Variants in CLYBL observed in about 807,000 individuals in gnomAD.
CLYBL encodes citramalyl-CoA lyase, mitochondrial.
CLYBL carries 31 observed loss-of-function variants against 38.9 expected under a neutral mutation model. The observed-to-expected ratio is 0.80, with a 90% CI of 0.60 to 1.08. CLYBL has a LOEUF of 1.08. CLYBL is among the 50% of genes least tolerant of loss of function. The pLI is 0.00. For missense variants in CLYBL, 434 were observed against 411.6 expected (o/e 1.05, Z -0.47); for synonymous variants, 171 against 158.6 (o/e 1.08, Z -0.59).
intron 2 of CLYBL, among the ~76,000 whole-genome samples, chr13:99,840,939 C>G (rs1194178122): frequency 1.3e-5 from 2 of 151,964 alleles, no homozygotes; most frequent in Non-Finnish European, 2.9e-5. Flanking sequence ...AAAATCATTT[C>G]TCTCACCTAA....
downstream of CLYBL, among the ~76,000 whole-genome samples, chr13:99,900,258 T>C (rs1014133368): frequency 2.6e-5 from 4 of 152,126 alleles, no homozygotes; most frequent in African/African-American, 9.7e-5. Context: ...AGATGAAGTA[T>C]ATGCTCTCAC....
rs140934783 is a variant in CLYBL at position 99,725,542 on chromosome 13, G to T, written c.63-47282G>T. Among the ~76,000 whole-genome samples the T allele has an allele frequency of 3.3e-5, 5 of 152,290 alleles. No individual in the cohort carries two copies. The East Asian group carries it at 9.6e-4, about 29-fold the overall frequency. Reference sequence around the variant, plus strand: ...TTGTTTGTGGAGAGGGCAGCAGAGAGATGAAGGGACATTCTAGTACTATGC... The same window carrying T: ...TTGTTTGTGGAGAGGGCAGCAGAGATATGAAGGGACATTCTAGTACTATGC... On this transcript the variant is annotated intron_variant, in intron 1 of 8. Transcript: ENST00000339105.
chr13:99,896,369 C>G (rs2052579232), downstream of CLYBL: 1 of 152,234 alleles, frequency 6.6e-6, no homozygotes, highest in Non-Finnish European at 1.5e-5. Flanking sequence ...ACGTCTCTCT[C>G]GGGTCTCCCA....
At chr13:99,648,051 A>G (rs1399144498) in intron 1 of CLYBL, among the ~76,000 whole-genome samples, 1 of 152,214 alleles carries the variant, frequency 6.6e-6, no homozygotes, top group East Asian at 1.9e-4. Context: ...ACCAGTTAAA[A>G]CAATAAAATA....
intron 9 of CLYBL, among the ~76,000 whole-genome samples, chr13:99,907,812 T>C (rs1164235340): frequency 1.3e-5 from 2 of 152,156 alleles, no homozygotes; most frequent in African/African-American, 4.8e-5. Flanking sequence ...CTGGCCAGCA[T>C]AGCAAGACTC....
chr13:99,873,949 A>G (rs79883938), intron 7 of CLYBL, among the ~76,000 whole-genome samples: 2,283 of 151,726 alleles, frequency 0.015, 61 homozygotes, highest in African/African-American at 0.052. Flanking sequence ...GTTGACAATC[A>G]CTTTACATTA....
At chr13:99,866,852 ACTCATAACTAGTTTTTTG>A (rs1233487622) in intron 6 of CLYBL, among the ~76,000 whole-genome samples, 1 of 151,748 alleles carries the variant, frequency 6.6e-6, no homozygotes, top group African/African-American at 2.4e-5. Flanking sequence ...TTTGTTTTTT[ACTCATAACTAGTTTTTTG>A]CTCTTCTGCC....
chr13:99,825,334 C>A (rs1468601934), intron 2 of CLYBL, among the ~76,000 whole-genome samples: 1 of 152,062 alleles, frequency 6.6e-6, no homozygotes, highest in Middle Eastern at 3.2e-3. Flanking sequence ...ATATCAGCTA[C>A]CTCCTAGGGT....
Position 99,750,307 on chromosome 13 carries a change from T to G in CLYBL, c.63-22517T>G, listed in dbSNP as rs2139633088. The stretch of plus-strand genomic sequence containing the variant: ...CACTTTTCTGTAAGAAATTTTTATT[T>G]TCAACCTTTATCAGCCCTTAGAGTC... On this transcript the variant is annotated intron_variant, in intron 1 of 8. Transcript: ENST00000339105. 2.6e-5 allele frequency among the ~76,000 whole-genome samples: 4 copies of G among 152,316 alleles called. 1 individual carries two copies. Among genetic ancestry groups the G allele is most frequent in the Middle Eastern group, 3.4e-3 (1 of 294 alleles).
intron 7 of CLYBL, 26 bp from the exon 8 acceptor site, chr13:99,891,291 AG>A: frequency 6.6e-7 from 1 of 1,506,982 alleles, no homozygotes; most frequent in Non-Finnish European, 9.2e-7. Context: ...GTATTCTTTC[AG>A]GAAGTTTGTA....
chr13:99,677,667 T>C (rs1056177528), intron 1 of CLYBL, among the ~76,000 whole-genome samples: 3 of 152,242 alleles, frequency 2.0e-5, no homozygotes, highest in African/African-American at 7.2e-5. Flanking sequence ...TTAGTTCATG[T>C]CATTCATTGG....
chr13:99,641,188 T>TA (rs2047087483), intron 1 of CLYBL, among the ~76,000 whole-genome samples: 2 of 152,234 alleles, frequency 1.3e-5, no homozygotes, highest in African/African-American at 4.8e-5. Flanking sequence ...TGATACAACC[T>TA]CAATGATATA....
In CLYBL at chr13:99,785,191, CTTTTTTTTTTTTTTTTT is replaced by C. The variant is rs58550861; in HGVS notation, c.249+12199_249+12215del. Among the ~76,000 whole-genome samples, 166 of 34,242 alleles carry C rather than the reference CTTTTTTTTTTTTTTTTT, an allele frequency of 4.8e-3. 1 individual carries two copies. Among genetic ancestry groups the C allele is most frequent in the South Asian group, 0.021 (13 of 618 alleles). 22.5% of individuals were successfully genotyped at this position (34,242 alleles called of 152,430 possible). A position where few individuals can be genotyped will look rare whatever the true frequency, so the allele number is the denominator to read the frequency against. On this transcript the variant is annotated intron_variant, in intron 2 of 8. Coordinates refer to ENST00000339105, the MANE Select transcript of CLYBL (RefSeq NM_206808.5). Reference sequence around the variant, plus strand: ...TACAGACTTGAGCCACCCCGCCTGGCTTTTTTTTTTTTTTTTTTTTTTTTTTTTTTTTTTAAAGACAG... The same window carrying C: ...TACAGACTTGAGCCACCCCGCCTGGCTTTTTTTTTTTTTTTTTAAAGACAG...
intron 1 of CLYBL, among the ~76,000 whole-genome samples, chr13:99,756,263 G>T (rs754901863): frequency 1.3e-5 from 2 of 152,316 alleles, no homozygotes; most frequent in Middle Eastern, 3.4e-3. Flanking sequence ...TATCTCCCCT[G>T]CCTAAATGTA....
chr13:99,767,884 T>C (rs1456719525), intron 1 of CLYBL, among the ~76,000 whole-genome samples: 1 of 152,226 alleles, frequency 6.6e-6, no homozygotes, highest in East Asian at 1.9e-4. Context: ...TTTAGTTCTT[T>C]GAGCATCTTT....
At chr13:99,637,333 C>CGA (rs2047032491) in intron 1 of CLYBL, among the ~76,000 whole-genome samples, 1 of 152,216 alleles carries the variant, frequency 6.6e-6, no homozygotes, top group Admixed American at 6.5e-5. Flanking sequence ...AAACCCATCT[C>CGA]TGGAGGTGTA....
intron 1 of CLYBL, among the ~76,000 whole-genome samples, chr13:99,687,390 A>T (rs2047833881): frequency 6.6e-6 from 1 of 152,112 alleles, no homozygotes; most frequent in Non-Finnish European, 1.5e-5. Context: ...GCACACACAC[A>T]GGTTTGTAAA....
chr13:99,620,794 A>AAGAG (rs386380428), intron 1 of CLYBL, among the ~76,000 whole-genome samples: 2 of 147,876 alleles, frequency 1.4e-5, no homozygotes, highest in Non-Finnish European at 3.0e-5. Flanking sequence ...AAGAAAGAAA[A>AAGAG]AGAGAGAGAG....
At chr13:99,800,909 A>G (rs1287628982) in intron 2 of CLYBL, among the ~76,000 whole-genome samples, 6 of 50,824 alleles carry the variant, frequency 1.2e-4, no homozygotes, top group Non-Finnish European at 2.7e-4. Flanking sequence ...AAAAAAAACA[A>G]AAAAAAAAAA....
Sources: gnomAD v4.1 joint callset for allele counts (sites outside exome capture counted in the v4.1 genomes callset) on GRCh38, gnomAD v4.1.1 for gene constraint, MANE v1.5 for transcripts, NCBI Gene and HGNC (gene_info 2026-07-23, HGNC 2026-07-21) for gene names.